The following RAB10 variants were observed in gnomAD, a reference collection of about 807,000 sequenced individuals.
RAB10 encodes the protein ras-related protein Rab-10.
Under a neutral mutation model 25.7 loss-of-function variants are expected in RAB10, and 5 were observed. That is an observed-to-expected ratio of 0.19 (90% CI 0.10 to 0.41). RAB10 has a LOEUF of 0.41. Ranked by LOEUF, RAB10 falls within the 10% of genes least tolerant of loss-of-function variation. RAB10 has a pLI of 1.00. For synonymous variants in RAB10, 89 were observed against 86.4 expected (o/e 1.03, Z -0.16); for missense variants, 103 against 245.8 (o/e 0.42, Z 3.89).
chr2:26,089,313 C>T (rs1429286449), intron 1 of RAB10, among the ~76,000 whole-genome samples: 1 of 151,646 alleles, frequency 6.6e-6, no homozygotes, highest in Non-Finnish European at 1.5e-5. Context: ...ATCCCAGCTA[C>T]TCAGGAGGCT....
intron 1 of RAB10, among the ~76,000 whole-genome samples, chr2:26,055,277 T>C (rs1184664619): frequency 6.6e-6 from 1 of 152,182 alleles, no homozygotes; most frequent in Non-Finnish European, 1.5e-5. Context: ...TCTTTGTTGC[T>C]CTTCTAAGAC....
chr2:26,088,056 C>A (rs1217038460), intron 1 of RAB10, among the ~76,000 whole-genome samples: 2 of 152,170 alleles, frequency 1.3e-5, no homozygotes, highest in East Asian at 3.8e-4. Context: ...TATTTCCTTT[C>A]CAGGTAGGTG....
chr2:26,101,314 G>T (rs1183736249), intron 2 of RAB10: 4 of 152,176 alleles, frequency 2.6e-5, no homozygotes, highest in Admixed American at 6.5e-5. Flanking sequence ...TTGTATAAAA[G>T]CACTACATAG....
intron 1 of RAB10, among the ~76,000 whole-genome samples, chr2:26,058,557 T>A (rs1666320183): frequency 1.3e-5 from 2 of 152,134 alleles, no homozygotes; most frequent in African/African-American, 4.8e-5. Flanking sequence ...ACCACCGTAC[T>A]GTGCCCCGGC....
chr2:26,117,632 AAAAC>A (rs1411488460), intron 3 of RAB10, among the ~76,000 whole-genome samples: 70 of 145,830 alleles, frequency 4.8e-4, no homozygotes, highest in African/African-American at 1.7e-3. Flanking sequence ...AAAAAAAAAA[AAAAC>A]AAAAAAAACA....
chr2:26,081,891 C>G (rs1450323648), intron 1 of RAB10, among the ~76,000 whole-genome samples: 2 of 151,948 alleles, frequency 1.3e-5, no homozygotes, highest in Admixed American at 1.3e-4. Flanking sequence ...ATACATTTTT[C>G]AGACAGACAA....
intron 3 of RAB10, among the ~76,000 whole-genome samples, chr2:26,126,273 A>G (rs1247906644): frequency 1.3e-5 from 2 of 151,504 alleles, no homozygotes; most frequent in African/African-American, 4.9e-5. Flanking sequence ...CTGAAATTTG[A>G]CTCCCCCAGC....
At chr2:26,121,219 T>A (rs1384400025) in intron 3 of RAB10, among the ~76,000 whole-genome samples, 1 of 152,202 alleles carries the variant, frequency 6.6e-6, no homozygotes, top group Non-Finnish European at 1.5e-5. Context: ...GTATAATTTT[T>A]CTTTGTTAAG....
At chr2:26,092,245 T>C (rs1162492001) in intron 1 of RAB10, among the ~76,000 whole-genome samples, 1 of 148,756 alleles carries the variant, frequency 6.7e-6, no homozygotes, top group Non-Finnish European at 1.5e-5. Context: ...ATGGAGATCA[T>C]TGATCATAGT....
At chr2:26,098,563 A>G in intron 1 of RAB10, 99 bp from the exon 2 acceptor site, 8 of 845,274 alleles carry the variant, frequency 9.5e-6, no homozygotes, top group Non-Finnish European at 1.3e-5. Context: ...AAACAAACAC[A>G]GACAAGTTTA....
upstream of RAB10, chr2:26,034,039 C>T (rs1300456215): frequency 5.0e-6 from 2 of 399,764 alleles, no homozygotes; most frequent in South Asian, 2.5e-4. Context: ...AGGCGGACCG[C>T]AAGGCTAGGG....
intron 1 of RAB10, among the ~76,000 whole-genome samples, chr2:26,063,461 GA>G (rs1304640649): frequency 6.6e-6 from 1 of 150,850 alleles, no homozygotes; most frequent in Non-Finnish European, 1.5e-5. Flanking sequence ...TTGAAAATTT[GA>G]AAAGTAAGCT....
chr2:26,095,606 C>CAA (rs894230727), intron 1 of RAB10, among the ~76,000 whole-genome samples: 1 of 125,100 alleles, frequency 8.0e-6, no homozygotes, highest in Non-Finnish European at 1.7e-5. Flanking sequence ...GACTCCGTCT[C>CAA]AAAAAAAAAA....
intron 1 of RAB10, among the ~76,000 whole-genome samples, chr2:26,049,399 T>G (rs546526617): frequency 6.6e-6 from 1 of 151,196 alleles, no homozygotes; most frequent in Admixed American, 6.6e-5. Context: ...TTTCTGAAAG[T>G]TTTTTTTCCC....
In RAB10 at chr2:26,057,552, G is replaced by C. The variant is rs977969652; in HGVS notation, c.127+22817G>C. Among the ~76,000 whole-genome samples the C allele has an allele frequency of 1.1e-4, 16 of 151,204 alleles. 1 individual carries two copies. Among genetic ancestry groups the C allele is most frequent in the Non-Finnish European group, 2.9e-5 (2 of 67,820 alleles). The stretch of plus-strand genomic sequence containing the variant: ...AGTGGCTAGAGTGGTTGGGGGGATG[G>C]TGTAGAGAAAAAGAACATGGATTAG... On this transcript the variant is annotated intron_variant, in intron 1 of 5. Coordinates refer to ENST00000264710, the MANE Select transcript of RAB10 (RefSeq NM_016131.5).
At chr2:26,074,923 G>A (rs1666701016) in intron 1 of RAB10, among the ~76,000 whole-genome samples, 3 of 152,146 alleles carry the variant, frequency 2.0e-5, no homozygotes, top group African/African-American at 7.2e-5. Context: ...GAACGGGTCT[G>A]GCATATAGTA....
chr2:26,129,122 T>C (rs1559600536), intron 5 of RAB10, among the ~76,000 whole-genome samples: 1 of 151,964 alleles, frequency 6.6e-6, no homozygotes, highest in African/African-American at 2.4e-5. Flanking sequence ...ATACAAAAAT[T>C]AGCTGGGTGT....
intron 1 of RAB10, among the ~76,000 whole-genome samples, chr2:26,088,915 G>A (rs1667045125): frequency 6.6e-6 from 1 of 152,050 alleles, no homozygotes; most frequent in South Asian, 2.1e-4. Context: ...GAGCCACCAT[G>A]CCCGGCTTAT....
chr2:26,060,812 A>G (rs1666377325), intron 1 of RAB10, among the ~76,000 whole-genome samples: 1 of 152,194 alleles, frequency 6.6e-6, no homozygotes, highest in African/African-American at 2.4e-5. Flanking sequence ...TAAAAAAGTA[A>G]AACTTACTAG....
Sources: gnomAD v4.1 joint callset for allele counts (sites outside exome capture counted in the v4.1 genomes callset) on GRCh38, gnomAD v4.1.1 for gene constraint, MANE v1.5 for transcripts, NCBI Gene and HGNC (gene_info 2026-07-23, HGNC 2026-07-21) for gene names.